Variants in DENND4B observed in about 807,000 individuals in gnomAD.
DENND4B encodes DENN domain-containing protein 4B.
Under a neutral mutation model 161.0 loss-of-function variants are expected in DENND4B, and 67 were observed. The ratio of observed to expected loss-of-function variants is 0.42; its 90% confidence interval spans 0.34 to 0.51. The LOEUF (loss-of-function observed/expected upper bound fraction) is 0.51, where lower values mean the gene tolerates loss of function less well. Among genes scored for constraint, DENND4B ranks in the 20% least tolerant of loss-of-function variants. DENND4B has a pLI of 0.08. For synonymous variants in DENND4B, 753 were observed against 813.8 expected, an observed-to-expected ratio of 0.93 and a Z score of 1.27; for missense variants, 1,481 against 1,968.0, an observed-to-expected ratio of 0.75 and a Z score of 4.68.
At position 153,942,553 on chromosome 1, in the gene DENND4B, C is replaced by T. The variant is rs748188966; in HGVS notation, c.640+3G>A. ...GGATTGGAGGGATAAAGGGGCCACTCACCTGCCTCGTACACCAGCGTGTTG... is the reference window on the plus strand; with the variant it reads ...GGATTGGAGGGATAAAGGGGCCACTTACCTGCCTCGTACACCAGCGTGTTG... On this transcript the variant is annotated splice_donor_region_variant and intron_variant, in intron 4 of 27. Transcript: ENST00000361217. This position sits in a 1 kb window ranked among gnomAD's most constrained non-coding sequence, Gnocchi z 6.9. 2.5e-6 allele frequency: 4 copies of T among 1,594,894 alleles called. No homozygotes were observed. Among genetic ancestry groups the T allele is most frequent in the Non-Finnish European group, 2.6e-6 (3 of 1,170,486 alleles).
Position 153,932,879 on chromosome 1 carries a change from G to A in DENND4B, c.3605C>T (p.Thr1202Ile). The change falls in exon 22 of 28, where the codon ACC (threonine) becomes ATC (isoleucine). Residue 1202 changes from threonine (T) to isoleucine (I), a missense_variant. Thr to Ile is a moderately conservative substitution (Grantham distance 89). This residue lies in a region of DENND4B where 336 missense variants were observed against 503.3 expected (regional missense o/e 0.67). Coordinates refer to ENST00000361217, the MANE Select transcript of DENND4B (RefSeq NM_014856.3). This position sits in a 1 kb window ranked among gnomAD's most constrained non-coding sequence, Gnocchi z 5.8. ...TGGGCACCTGGGCCGGGAATCAAGG[G>A]TCTGGACACTGAGCAGGGGCACAAA... ...CPFVPLLSVQ[T>I]LDSRPSVPSP... is the part of the protein sequence containing the mutation. 6.2e-7 allele frequency: 1 copy of A among 1,613,998 alleles called. No homozygotes were observed. The highest frequency in any genetic ancestry group is 8.5e-7 in the Non-Finnish European group (1 of 1,179,874).
In DENND4B at chr1:153,940,404, GC is replaced by G. The variant is rs1470096447; in HGVS notation, c.1502+26del. 1 of 1,606,108 alleles carries G rather than the reference GC, an allele frequency of 6.2e-7. No homozygotes were observed. The highest frequency in any genetic ancestry group is 1.7e-5 in the Admixed American group (1 of 58,974). On this transcript the variant is annotated intron_variant, in intron 10 of 27. Coordinates refer to ENST00000361217, the MANE Select transcript of DENND4B (RefSeq NM_014856.3). This position sits in a 1 kb window ranked among gnomAD's most constrained non-coding sequence, Gnocchi z 5.6. ...GCCCATTCCTGCCCACCACCCTGCA[GC>G]CCCCAAATGAGACCCAGCCTCTTAC...
At chr1:153,935,487 C>T (rs950648952) in intron 17 of DENND4B, among the ~76,000 whole-genome samples, 1 of 152,236 alleles carries the variant, frequency 6.6e-6, no homozygotes, top group African/African-American at 2.4e-5. Context: ...GCTGGGACTA[C>T]AGGCACCCAC....
In DENND4B at chr1:153,940,952, G is replaced by A. The variant is rs755301710; in HGVS notation, c.1278C>T (p.His426=). The change falls in exon 9 of 28, where the codon CAC becomes CAT. Residue 426 remains histidine (H), a synonymous_variant. Coordinates refer to ENST00000361217, the MANE Select transcript of DENND4B (RefSeq NM_014856.3). The surrounding 1 kb of genome is among the most constrained non-coding windows in gnomAD (Gnocchi z 5.6). ...AVLTEHKLLV[H]SLRPDLLTSV... is the part of the protein sequence containing the mutation. ...TGGTGAGCAGGTCTGGCCGCAGCGA[G>A]TGGACTAGCAGCTTGTGCTCTGTGA... is the stretch of plus-strand genomic sequence containing the variant. The A allele has an allele frequency of 1.2e-6, 2 of 1,600,546 alleles. No homozygotes were observed. Among genetic ancestry groups the A allele is most frequent in the East Asian group, 2.2e-5 (1 of 44,554 alleles).
chr1:153,943,768 G>A (rs982322473), intron 2 of DENND4B, among the ~76,000 whole-genome samples: 3 of 149,654 alleles, frequency 2.0e-5, no homozygotes, highest in Non-Finnish European at 4.4e-5. Flanking sequence ...ATTTAATCTC[G>A]ACCATCCTAT....
At position 153,943,000 on chromosome 1, in the gene DENND4B, C is replaced by T. The variant is rs376488376; in HGVS notation, c.448G>A (p.Ala150Thr). 1 of 1,613,862 alleles carries T rather than the reference C, an allele frequency of 6.2e-7. No homozygotes were observed. The highest frequency in any genetic ancestry group is 1.3e-5 in the African/African-American group (1 of 74,936). The change falls in exon 3 of 28, where the codon GCA becomes ACA. Residue 150 changes from alanine (A) to threonine (T), a missense_variant. This residue lies in a region of DENND4B where 806 missense variants were observed against 1,134.4 expected (regional missense o/e 0.71). Coordinates refer to ENST00000361217, the MANE Select transcript of DENND4B (RefSeq NM_014856.3). This position sits in a 1 kb window ranked among gnomAD's most constrained non-coding sequence, Gnocchi z 6.9. ...HPRTYLTYRR[A>T]AEGAGLHALG... Reference sequence around the variant, plus strand: ...GCATGCAGCCCTGCCCCCTCTGCTGCCCGCCGGTAAGTGAGGTAGGTGCGG... The same window carrying T: ...GCATGCAGCCCTGCCCCCTCTGCTGTCCGCCGGTAAGTGAGGTAGGTGCGG...
chr1:153,943,494 A>G (rs1283183499), intron 2 of DENND4B, among the ~76,000 whole-genome samples: 2 of 152,166 alleles, frequency 1.3e-5, no homozygotes, highest in Non-Finnish European at 2.9e-5. Context: ...CCTGGCCAAC[A>G]TGGTCAAACC....
In DENND4B at chr1:153,943,984, T is replaced by C; in HGVS notation, c.317+74A>G. On this transcript the variant is annotated intron_variant, in intron 2 of 27. Coordinates refer to ENST00000361217, the MANE Select transcript of DENND4B (RefSeq NM_014856.3). Reference sequence around the variant, plus strand: ...TCCCCATTGCCCTTCCCTTGTTCCATAGTCCTACCTCTCCCTGTCTCACTG... The same window carrying C: ...TCCCCATTGCCCTTCCCTTGTTCCACAGTCCTACCTCTCCCTGTCTCACTG... The C allele has an allele frequency of 2.8e-6, 4 of 1,445,586 alleles. No homozygotes were observed. The South Asian group carries it at 4.5e-5, about 16-fold the overall frequency. The allele number at this position is 1,445,586 out of a possible 1,614,324, so 89.5% of individuals were successfully genotyped here. A position where few individuals can be genotyped will look rare whatever the true frequency, so the allele number is the denominator to read the frequency against.
rs746047471 is a variant in DENND4B at position 153,934,829 on chromosome 1, G to C, written c.2704C>G (p.Gln902Glu). 1.1e-5 allele frequency: 16 copies of C among 1,399,318 alleles called. No individual in the cohort carries two copies. The highest frequency in any genetic ancestry group is 6.3e-5 in the South Asian group (5 of 78,936). The allele number at this position is 1,399,318 out of a possible 1,614,324, so 86.7% of individuals were successfully genotyped here. ...TGCTGCTGCTGCTGCTGCTGCTGCT[G>C]TTGCTGCTGCTGCTGCTGTTGCCGT... is the stretch of plus-strand genomic sequence containing the variant. ...RERQQQQQQQ[Q>E]QQQQQQQQEQ... Residue 902 changes from glutamine to glutamate, a missense_variant, in exon 18 of 28, where the codon CAG (glutamine) becomes GAG (glutamate). Physicochemically the swap from Gln to Glu is conservative, Grantham distance 29. Transcript: ENST00000361217. The surrounding 1 kb of genome is among the most constrained non-coding windows in gnomAD (Gnocchi z 5.3).
Position 153,946,292 on chromosome 1 carries a change from C to G in DENND4B, c.-24+9G>C, listed in dbSNP as rs1338135953. 1 of 352,612 alleles carries G rather than the reference C, an allele frequency of 2.8e-6. No homozygotes were observed. The highest frequency in any genetic ancestry group is 4.2e-5 in the East Asian group (1 of 23,650). 21.8% of individuals were successfully genotyped at this position (352,612 alleles called of 1,614,324 possible). The stretch of plus-strand genomic sequence containing the variant: ...GCCTGCCGCCCAGCCCGGTCCAGCC[C>G]CTACCTGCCTGTCCCGCGCTTCCCG... On this transcript the variant is annotated intron_variant, in intron 1 of 27. Transcript: ENST00000361217. This position sits in a 1 kb window ranked among gnomAD's most constrained non-coding sequence, Gnocchi z 6.3.
At position 153,943,046 on chromosome 1, in the gene DENND4B, G is replaced by A; in HGVS notation, c.402C>T (p.Ala134=). The change falls in exon 3 of 28, where the codon GCC becomes GCT. Residue 134 remains alanine, a synonymous_variant. Transcript: ENST00000361217. ...TGCGGGGGTGCCCGGGGCCTGGAGG[G>A]GCCAGGTTTGCTGAGTGGCTGTAGG... ...TTPYSHSANL[A]PPGPGHPRTY... 6.2e-7 allele frequency: 1 copy of A among 1,614,036 alleles called. No individual in the cohort carries two copies. The highest frequency in any genetic ancestry group is 8.5e-7 in the Non-Finnish European group (1 of 1,179,886).
chr1:153,941,085 G>A, intron 8 of DENND4B, 37 bp from the exon 9 acceptor site: 1 of 1,554,952 alleles, frequency 6.4e-7, no homozygotes, highest in Non-Finnish European at 8.7e-7. Flanking sequence ...GGGTCACCAG[G>A]ATACCCTGGG....
At chr1:153,943,776 T>C (rs1156901280) in intron 2 of DENND4B, among the ~76,000 whole-genome samples, 2 of 151,386 alleles carry the variant, frequency 1.3e-5, no homozygotes, top group Admixed American at 6.6e-5. Flanking sequence ...TCGACCATCC[T>C]ATGAGGATGA....
At chr1:153,939,419 C>G (rs567320231) in intron 12 of DENND4B, among the ~76,000 whole-genome samples, 170 bp downstream of exon 12, 2 of 152,042 alleles carry the variant, frequency 1.3e-5, no homozygotes, top group African/African-American at 4.8e-5. Flanking sequence ...TGATTCCCCC[C>G]CAAGACCAGA....
rs1023814250 is a variant in DENND4B, at chr1:153,937,990, C to T, written c.1966-127G>A. The T allele has an allele frequency of 4.6e-5, 63 of 1,355,850 alleles. 1 individual carries two copies. The highest frequency in any genetic ancestry group is 3.0e-4 in the African/African-American group (21 of 69,398). The allele number at this position is 1,355,850 out of a possible 1,614,324, so 84.0% of individuals were successfully genotyped here. On this transcript the variant is annotated intron_variant, in intron 13 of 27. Transcript: ENST00000361217. The surrounding 1 kb of genome is among the most constrained non-coding windows in gnomAD (Gnocchi z 4.7). ...AAAGAGACACAGCCTGGGAAGATGG[C>T]GTCAGGAACGGGAGGACAGTACATT...
At chr1:153,938,626 C>T (rs1304363874) in intron 13 of DENND4B, among the ~76,000 whole-genome samples, 1 of 147,962 alleles carries the variant, frequency 6.8e-6, no homozygotes, top group African/African-American at 2.5e-5. Flanking sequence ...GGCGTGAACC[C>T]GGGAGGCAGA....
In DENND4B at chr1:153,933,296, C is replaced by T. The variant is rs1679082557; in HGVS notation, c.3354G>A (p.Glu1118=). ...TGAGAGAAGATTCTGAGAGGTCCCA[C>T]TCACTGCCCAGAGAGGCTGAGCTCT... ...ASESSASLGS[E]WDLSESSLSN... The change falls in exon 21 of 28, where the codon GAG becomes GAA. Residue 1118 remains glutamate (E), a synonymous_variant. Transcript: ENST00000361217. The surrounding 1 kb of genome is among the most constrained non-coding windows in gnomAD (Gnocchi z 5.7). 1.9e-6 allele frequency: 3 copies of T among 1,613,324 alleles called. No homozygotes were observed. The highest frequency in any genetic ancestry group is 2.2e-5 in the East Asian group (1 of 44,862).
At chr1:153,939,987 CCCTT>C (rs1679572755) in intron 11 of DENND4B, 165 bp downstream of exon 11, 1 of 811,776 alleles carries the variant, frequency 1.2e-6, no homozygotes, top group African/African-American at 1.7e-5. Context: ...ATACTGTCTG[CCCTT>C]CCTTCTAGCT....
In DENND4B at chr1:153,940,411, A is replaced by G. The variant is rs766259575; in HGVS notation, c.1502+20T>C. On this transcript the variant is annotated intron_variant, in intron 10 of 27. Transcript: ENST00000361217. This position sits in a 1 kb window ranked among gnomAD's most constrained non-coding sequence, Gnocchi z 5.6. ...CCTGCCCACCACCCTGCAGCCCCCA[A>G]ATGAGACCCAGCCTCTTACTGGAAG... 7.5e-6 allele frequency: 12 copies of G among 1,608,864 alleles called. No individual in the cohort carries two copies. The highest frequency in any genetic ancestry group is 1.3e-5 in the African/African-American group (1 of 74,924).
Sources: gnomAD v4.1 joint callset for allele counts (sites outside exome capture counted in the v4.1 genomes callset) on GRCh38, gnomAD v4.1.1 for gene constraint, gnomAD v4.1.1 regional missense constraint, Gnocchi (gnomAD v3.1) non-coding constraint, MANE v1.5 for transcripts, NCBI Gene and HGNC (gene_info 2026-07-23, HGNC 2026-07-21) for gene names.